The following OR7A10 variants were observed in gnomAD, a reference collection of about 807,000 sequenced individuals.
OR7A10 encodes the protein olfactory receptor 7A10.
For synonymous variants in OR7A10, 144 were observed against 144.5 expected (o/e 1.00, Z 0.02); for missense variants, 358 against 370.1 (o/e 0.97, Z 0.27).
At chr19:14,845,062 CACACACAA>C (rs951866949) in intron 1 of OR7A10, among the ~76,000 whole-genome samples, 4 of 133,684 alleles carry the variant, frequency 3.0e-5, no homozygotes, top group African/African-American at 1.2e-4. Context: ...CACACACACA[CACACACAA>C]ACACACACAC....
At chr19:14,847,736 G>C (rs1006774995) in intron 1 of OR7A10, among the ~76,000 whole-genome samples, 2 of 151,512 alleles carry the variant, frequency 1.3e-5, no homozygotes, top group African/African-American at 4.8e-5. Context: ...GGATGGTCTC[G>C]ATCTCCCGAC....
intron 1 of OR7A10, among the ~76,000 whole-genome samples, chr19:14,844,665 T>TTTTTTTTTTTTTTTG (rs2044932162): frequency 3.5e-5 from 1 of 28,542 alleles, no homozygotes. Context: ...GAGTTCTGTG[T>TTTTTTTTTTTTTTTG]TTTTTTTTTT....
At position 14,841,285 on chromosome 19, in the gene OR7A10, A is replaced by C; in HGVS notation, c.593T>G (p.Val198Gly). ...ACSDTFLNDIVMYFAVALLGG... is the reference protein window; with the variant it reads ...ACSDTFLNDIGMYFAVALLGG... Reference sequence around the variant, plus strand: ...CAGCAGCGCTACTGCAAAATACATCACTATGTCATTAAGAAAGGTGTCAGA... The same window carrying C: ...CAGCAGCGCTACTGCAAAATACATCCCTATGTCATTAAGAAAGGTGTCAGA... Residue 198 changes from valine (V) to glycine (G), a missense_variant, in exon 2 of 2, where the codon GTG becomes GGG. Val to Gly is a moderately radical substitution (Grantham distance 109, BLOSUM62 -3). Transcript: ENST00000641129. 6.2e-7 allele frequency: 1 copy of C among 1,614,188 alleles called. No individual in the cohort carries two copies. Among genetic ancestry groups the C allele is most frequent in the African/African-American group, 1.3e-5 (1 of 75,046 alleles).
At chr19:14,845,919 G>T (rs1009721463) in intron 1 of OR7A10, among the ~76,000 whole-genome samples, 2 of 152,092 alleles carry the variant, frequency 1.3e-5, no homozygotes, top group Non-Finnish European at 2.9e-5. Flanking sequence ...AATGTGGGAG[G>T]CCGAAGCGAG....
At position 14,848,757 on chromosome 19, in the gene OR7A10, T is replaced by C. The variant is rs1026837212; in HGVS notation, c.-270A>G. On this transcript the variant is annotated 5_prime_UTR_variant, in exon 1 of 2. Coordinates refer to ENST00000641129, the MANE Select transcript of OR7A10 (RefSeq NM_001005190.2). ...CCTGCTCATTGGAGACATTTCCTCC[T>C]GTTATTCAACCCCTGATCACATTCA... 1 of 152,370 alleles carries C rather than the reference T, an allele frequency of 6.6e-6. No individual in the cohort carries two copies. The highest frequency in any genetic ancestry group is 6.5e-5 in the Admixed American group (1 of 15,302). The allele number at this position is 152,370 out of a possible 1,614,324, so 9.4% of individuals were successfully genotyped here. A position where few individuals can be genotyped will look rare whatever the true frequency, so the allele number is the denominator to read the frequency against.
intron 1 of OR7A10, among the ~76,000 whole-genome samples, chr19:14,846,344 C>T (rs1027508733): frequency 6.6e-6 from 1 of 151,780 alleles, no homozygotes; most frequent in Admixed American, 6.6e-5. Context: ...TTAAAAGAAA[C>T]GAACTTATAC....
At chr19:14,846,108 C>T (rs1320530079) in intron 1 of OR7A10, among the ~76,000 whole-genome samples, 1 of 151,974 alleles carries the variant, frequency 6.6e-6, no homozygotes, top group Non-Finnish European at 1.5e-5. Flanking sequence ...AAGCCGAGAT[C>T]GCACCATTGC....
chr19:14,846,701 C>A, intron 1 of OR7A10, among the ~76,000 whole-genome samples: 1 of 12,916 alleles, frequency 7.7e-5, no homozygotes, highest in Non-Finnish European at 1.6e-4. Flanking sequence ...CAGAGCGAGA[C>A]TCCATCTCAA....
chr19:14,842,494 G>T (rs192149604), intron 1 of OR7A10, among the ~76,000 whole-genome samples: 1 of 152,138 alleles, frequency 6.6e-6, no homozygotes. Flanking sequence ...CAGGTGATCC[G>T]CCTGCCTCAG....
At chr19:14,844,126 A>G (rs2044928926) in intron 1 of OR7A10, among the ~76,000 whole-genome samples, 2 of 152,230 alleles carry the variant, frequency 1.3e-5, no homozygotes, top group South Asian at 4.1e-4. Flanking sequence ...CAGAGAAAAT[A>G]CAAGTAAATT....
intron 1 of OR7A10, among the ~76,000 whole-genome samples, chr19:14,847,948 C>A (rs1050441670): frequency 7.1e-6 from 1 of 140,790 alleles, no homozygotes; most frequent in African/African-American, 3.2e-5. Flanking sequence ...CATGGTGAAA[C>A]CCTGTCTCTA....
chr19:14,847,951 T>G (rs9749317), intron 1 of OR7A10, among the ~76,000 whole-genome samples: 5,820 of 151,886 alleles, frequency 0.038, 345 homozygotes, highest in African/African-American at 0.13. Context: ...GGTGAAACCC[T>G]GTCTCTACTA....
Position 14,841,821 on chromosome 19 carries a change from C to A in OR7A10, c.57G>T (p.Glu19Asp), listed in dbSNP as rs556585216. ...ILEFLLLGISEEPELQAFLFG... is the reference protein window; with the variant it reads ...ILEFLLLGISDEPELQAFLFG... ...AGAGGAAGGCCTGCAATTCTGGTTC[C>A]TCTGAAATTCCCAGGAGAAGAAATT... Residue 19 changes from glutamate to aspartate, a missense_variant, in exon 2 of 2, where the codon GAG (glutamate) becomes GAT (aspartate). Transcript: ENST00000641129. 2.5e-6 allele frequency: 4 copies of A among 1,613,698 alleles called. No individual in the cohort carries two copies. Among genetic ancestry groups the A allele is most frequent in the East Asian group, 4.5e-5 (2 of 44,860 alleles).
At position 14,842,283 on chromosome 19, in the gene OR7A10, G is replaced by A. The variant is rs550286095; in HGVS notation, c.-12-394C>T. ...GTTTTCTTTTTTGAGATGGAGTCTC[G>A]CTCTGTCACCCAAGCTGGAGTGCAG... On this transcript the variant is annotated intron_variant, in intron 1 of 1. Transcript: ENST00000641129. Among the ~76,000 whole-genome samples, 174 of 152,230 alleles carry A rather than the reference G, an allele frequency of 1.1e-3. 1 individual carries two copies. The South Asian group carries it at 0.032, about 28-fold the overall frequency.
chr19:14,842,292 C>A (rs138210232), intron 1 of OR7A10, among the ~76,000 whole-genome samples: 70 of 152,358 alleles, frequency 4.6e-4, no homozygotes, highest in African/African-American at 1.5e-3. Context: ...CGCTCTGTCA[C>A]CCAAGCTGGA....
In OR7A10 at chr19:14,841,878, C is replaced by G. The variant is rs1296294314; in HGVS notation, c.-1G>C. The G allele has an allele frequency of 6.5e-7, 1 of 1,530,700 alleles. No homozygotes were observed. The highest frequency in any genetic ancestry group is 1.7e-5 in the Admixed American group (1 of 59,102). The allele number at this position is 1,530,700 out of a possible 1,614,324, so 94.8% of individuals were successfully genotyped here. ...TTATTGTATTGTTCCATGATTTCATCTTGTGATGTGACTACCAGAGAGAGA... is the reference window on the plus strand; with the variant it reads ...TTATTGTATTGTTCCATGATTTCATGTTGTGATGTGACTACCAGAGAGAGA... On this transcript the variant is annotated 5_prime_UTR_variant, in exon 2 of 2. Transcript: ENST00000641129.
intron 1 of OR7A10, among the ~76,000 whole-genome samples, chr19:14,847,544 T>G (rs941135128): frequency 2.0e-5 from 3 of 152,050 alleles, no homozygotes; most frequent in Non-Finnish European, 2.9e-5. Context: ...GGAGTCTCGC[T>G]CTGTCGCCCA....
intron 1 of OR7A10, among the ~76,000 whole-genome samples, chr19:14,847,552 C>T (rs4808065): frequency 0.42 from 63,251 of 151,672 alleles, 14,401 homozygotes; most frequent in East Asian, 0.78. Context: ...GCTCTGTCGC[C>T]CAGGCTGGAG....
chr19:14,841,955 A>C, intron 1 of OR7A10, 66 bp from the exon 2 acceptor site: 2 of 920,644 alleles, frequency 2.2e-6, no homozygotes, highest in Non-Finnish European at 1.7e-6. Flanking sequence ...GCATTCCAAA[A>C]CTATCAGAAA....
Sources: gnomAD v4.1 joint callset for allele counts (sites outside exome capture counted in the v4.1 genomes callset) on GRCh38, gnomAD v4.1.1 for gene constraint, MANE v1.5 for transcripts, NCBI Gene and HGNC (gene_info 2026-07-23, HGNC 2026-07-21) for gene names.